Variants in SCIN observed in about 807,000 individuals in gnomAD.
SCIN encodes the protein adseverin.
Under a neutral mutation model 91.8 loss-of-function variants are expected in SCIN, and 91 were observed. The observed-to-expected ratio is 0.99, with a 90% CI of 0.84 to 1.18. SCIN has a LOEUF of 1.18. SCIN is among the 50% of genes most tolerant of loss of function. The pLI, the probability that SCIN is intolerant of heterozygous loss-of-function variation, is 0.00. For synonymous variants in SCIN, 367 were observed against 312.6 expected (o/e 1.17, Z -1.84); for missense variants, 1,087 against 863.9 (o/e 1.26, Z -3.24).
At chr7:12,641,471 G>A (rs849768) in intron 11 of SCIN, among the ~76,000 whole-genome samples, 1 of 151,852 alleles carries the variant, frequency 6.6e-6, no homozygotes. Context: ...CAGACTTTCC[G>A]TCCTCTAGAC....
rs1389905236 is a variant in SCIN at position 12,656,881 on chromosome 7, C to G, written c.*4166C>G. ...GAGGTTGGAGCGAAAGTACGCGCCACTGTACTCCAGCCTGCGTGACGATGA... is the reference window on the plus strand; with the variant it reads ...GAGGTTGGAGCGAAAGTACGCGCCAGTGTACTCCAGCCTGCGTGACGATGA... On this transcript the variant is annotated 3_prime_UTR_variant, in exon 16 of 16. Transcript: ENST00000297029. 1 of 150,574 alleles carries G rather than the reference C, an allele frequency of 6.6e-6. No homozygotes were observed. The highest frequency in any genetic ancestry group is 1.5e-5 in the Non-Finnish European group (1 of 67,902). 9.3% of individuals were successfully genotyped at this position (150,574 alleles called of 1,614,324 possible).
intron 1 of SCIN, among the ~76,000 whole-genome samples, chr7:12,574,783 C>G (rs1479335476): frequency 6.6e-6 from 1 of 152,084 alleles, no homozygotes; most frequent in South Asian, 2.1e-4. Context: ...ATTCCCCCCA[C>G]TTTATGCTTG....
At chr7:12,600,161 T>C (rs1782929060) in intron 3 of SCIN, among the ~76,000 whole-genome samples, 1 of 152,210 alleles carries the variant, frequency 6.6e-6, no homozygotes, top group African/African-American at 2.4e-5. Flanking sequence ...GATTTAGGTC[T>C]ACTCAGCCAT....
Position 12,581,211 on chromosome 7 carries a change from A to C in SCIN, c.506A>C (p.Asp169Ala). 6.4e-7 allele frequency: 1 copy of C among 1,551,302 alleles called. No individual in the cohort carries two copies. Among genetic ancestry groups the C allele is most frequent in the Non-Finnish European group, 8.7e-7 (1 of 1,146,694 alleles). The change falls in exon 3 of 16, where the codon GAC becomes GCC. Residue 169 changes from aspartate (D) to alanine (A), a missense_variant. Physicochemically the swap from Asp to Ala is moderately radical, Grantham distance 126. Transcript: ENST00000297029. Reference protein sequence around the residue: ...SFNKGDCFIIDLGTEIYQWCG... With the variant: ...SFNKGDCFIIALGTEIYQWCG... The stretch of plus-strand genomic sequence containing the variant: ...AACAAGGGTGACTGCTTCATCATTG[A>C]CCTTGGCACCGTAAGTTTCATATAT...
At chr7:12,604,462 T>C in intron 3 of SCIN, 52 bp from the exon 4 acceptor site, 1 of 1,488,162 alleles carries the variant, frequency 6.7e-7, no homozygotes, top group South Asian at 1.2e-5. Context: ...ACACTGAGGC[T>C]GAATGTCTTC....
chr7:12,621,215 T>C (rs1783401114), intron 4 of SCIN, among the ~76,000 whole-genome samples: 1 of 152,096 alleles, frequency 6.6e-6, no homozygotes, highest in South Asian at 2.1e-4. Flanking sequence ...CCCAGTGACC[T>C]CAAATATTTG....
chr7:12,621,683 A>G (rs1783412956), intron 4 of SCIN, among the ~76,000 whole-genome samples: 1 of 149,614 alleles, frequency 6.7e-6, no homozygotes, highest in Non-Finnish European at 1.5e-5. Context: ...TAGCAAAAAA[A>G]GAAAAACTGC....
intron 3 of SCIN, among the ~76,000 whole-genome samples, chr7:12,599,741 TG>T (rs1479582393): frequency 6.6e-6 from 1 of 152,058 alleles, no homozygotes; most frequent in Admixed American, 6.6e-5. Flanking sequence ...TATCGCATTG[TG>T]ATTTTGATTT....
At chr7:12,582,772 TAA>T (rs2115214304) in intron 3 of SCIN, among the ~76,000 whole-genome samples, 2 of 152,132 alleles carry the variant, frequency 1.3e-5, no homozygotes, top group East Asian at 3.9e-4. Flanking sequence ...ACACTATAAA[TAA>T]AGAAATAAAT....
intron 9 of SCIN, among the ~76,000 whole-genome samples, chr7:12,630,960 T>A (rs553154625): frequency 6.6e-6 from 1 of 152,370 alleles, no homozygotes; most frequent in Non-Finnish European, 1.5e-5. Flanking sequence ...CAGTTAACTT[T>A]TCTTTTGCAT....
intron 4 of SCIN, among the ~76,000 whole-genome samples, chr7:12,606,479 G>A (rs1296556615): frequency 1.3e-5 from 2 of 152,130 alleles, no homozygotes; most frequent in Non-Finnish European, 2.9e-5. Context: ...GTATTGTAAT[G>A]TCTTTAAACT....
chr7:12,627,031 A>G (rs1246863672), intron 8 of SCIN, among the ~76,000 whole-genome samples: 7 of 152,016 alleles, frequency 4.6e-5, no homozygotes, highest in Non-Finnish European at 8.8e-5. Context: ...TGGAGGCTGC[A>G]GTGAGCCAAG....
chr7:12,619,652 G>A (rs983095175), intron 4 of SCIN, among the ~76,000 whole-genome samples: 4 of 152,120 alleles, frequency 2.6e-5, no homozygotes, highest in African/African-American at 7.2e-5. Context: ...GAAAGAATGG[G>A]CATGGCTTCC....
At position 12,657,574 on chromosome 7, in the gene SCIN, T is replaced by TATATA. The variant is rs1562642496; in HGVS notation, c.*4859_*4860insATATA. 6 of 20,256 alleles carry TATATA rather than the reference T, an allele frequency of 3.0e-4. No individual in the cohort carries two copies. The highest frequency in any genetic ancestry group is 3.5e-4 in the Non-Finnish European group (4 of 11,594). The allele number at this position is 20,256 out of a possible 1,614,324, so 1.3% of individuals were successfully genotyped here. On this transcript the variant is annotated 3_prime_UTR_variant, in exon 16 of 16. Coordinates refer to ENST00000297029, the MANE Select transcript of SCIN (RefSeq NM_001112706.3). Reference sequence around the variant, plus strand: ...TATATATATATATATATATATATATTTTTTTTTTTTTTTTTTTTTTTTTTG... The same window carrying TATATA: ...TATATATATATATATATATATATATTATATATTTTTTTTTTTTTTTTTTTTTTTTG...
chr7:12,581,237 A>C lies in SCIN; in HGVS notation c.516+16A>C, dbSNP rs1782482077. The C allele has an allele frequency of 1.3e-6, 2 of 1,548,758 alleles. No homozygotes were observed. Among genetic ancestry groups the C allele is most frequent in the South Asian group, 2.4e-5 (2 of 83,870 alleles). On this transcript the variant is annotated intron_variant, in intron 3 of 15. Transcript: ENST00000297029. ...CCTTGGCACCGTAAGTTTCATATAT[A>C]CACATCGATGTCTAAAGAAAAGTGA...
chr7:12,611,808 A>G (rs1457626641), intron 4 of SCIN, among the ~76,000 whole-genome samples: 1 of 152,080 alleles, frequency 6.6e-6, no homozygotes, highest in Non-Finnish European at 1.5e-5. Flanking sequence ...GCTATTTGGG[A>G]AGCTCTGGTG....
intron 4 of SCIN, among the ~76,000 whole-genome samples, chr7:12,604,984 A>G (rs1368602565): frequency 6.6e-6 from 1 of 151,458 alleles, no homozygotes; most frequent in African/African-American, 2.4e-5. Context: ...GTATTTTGGA[A>G]GGAAGACAAT....
At chr7:12,598,243 A>G (rs1024447409) in intron 3 of SCIN, among the ~76,000 whole-genome samples, 1 of 152,170 alleles carries the variant, frequency 6.6e-6, no homozygotes, top group Non-Finnish European at 1.5e-5. Flanking sequence ...TTATGAAGGA[A>G]TTTATTTTTT....
At chr7:12,588,023 T>C (rs1782627073) in intron 3 of SCIN, among the ~76,000 whole-genome samples, 1 of 152,230 alleles carries the variant, frequency 6.6e-6, no homozygotes, top group Admixed American at 6.5e-5. Flanking sequence ...CTATGTTGGC[T>C]TTCAGACTTT....
Sources: allele counts gnomAD v4.1 joint callset (sites outside exome capture counted in the v4.1 genomes callset), GRCh38; gene constraint gnomAD v4.1.1; transcripts MANE v1.5; gene names NCBI Gene and HGNC (gene_info 2026-07-23, HGNC 2026-07-21).